Variants in AUTS2 observed in about 807,000 individuals in gnomAD.
The protein encoded by AUTS2 is activator of transcription and developmental regulator AUTS2.
AUTS2 carries 17 observed loss-of-function variants against 112.4 expected under a neutral mutation model. The ratio of observed to expected loss-of-function variants is 0.15; its 90% CI spans 0.10 to 0.23. The LOEUF is 0.23. Among genes scored for constraint, AUTS2 ranks in the 10% least tolerant of loss-of-function variants. The probability of loss-of-function intolerance (pLI) is 1.00; values close to 1 mark genes in which losing one functional copy is unlikely to be tolerated. For synonymous variants in AUTS2, 751 were observed against 702.7 expected, an observed-to-expected ratio of 1.07 and a Z score of -1.09; for missense variants, 1,510 against 1,701.6, an observed-to-expected ratio of 0.89 and a Z score of 1.98.
chr7:70,222,422 C>T (rs951107290), intron 4 of AUTS2, among the ~76,000 whole-genome samples: 1 of 151,988 alleles, frequency 6.6e-6, no homozygotes, highest in African/African-American at 2.4e-5. Context: ...CAAAATTTGT[C>T]TATTGTAAAA....
chr7:69,618,418 C>G lies in AUTS2; in HGVS notation c.309+18456C>G, dbSNP rs139156727. 2.5e-3 allele frequency among the ~76,000 whole-genome samples: 387 copies of G among 152,248 alleles called. 1 individual carries two copies. The highest frequency in any genetic ancestry group is 9.0e-3 in the African/African-American group (373 of 41,566). On this transcript the variant is annotated intron_variant, in intron 1 of 18. Coordinates refer to ENST00000342771, the MANE Select transcript of AUTS2 (RefSeq NM_015570.4). ...TCCTGATTCAGCAGGTACCTTTGGTCTTTCTGAGCTGAGTTTGACTGGAGC... is the reference window on the plus strand; with the variant it reads ...TCCTGATTCAGCAGGTACCTTTGGTGTTTCTGAGCTGAGTTTGACTGGAGC...
chr7:70,388,974 T>C (rs1793733078), intron 4 of AUTS2, among the ~76,000 whole-genome samples: 1 of 152,210 alleles, frequency 6.6e-6, no homozygotes, highest in Non-Finnish European at 1.5e-5. Flanking sequence ...ATTGGCTGCC[T>C]CTGTTGTTCA....
intron 4 of AUTS2, among the ~76,000 whole-genome samples, chr7:70,386,147 C>A (rs557880274): frequency 1.2e-4 from 18 of 152,276 alleles, no homozygotes; most frequent in Non-Finnish European, 7.4e-5. Flanking sequence ...CCCAGTAGTT[C>A]CCTCAGTCTT....
chr7:70,612,223 ATC>A (rs1257259892), intron 5 of AUTS2, among the ~76,000 whole-genome samples: 11 of 152,326 alleles, frequency 7.2e-5, no homozygotes, highest in African/African-American at 2.4e-4. Flanking sequence ...TGTTTGAACC[ATC>A]TCAGCATCAG....
chr7:70,717,378 T>G (rs1810439574), intron 6 of AUTS2, among the ~76,000 whole-genome samples: 8 of 152,104 alleles, frequency 5.3e-5, no homozygotes, highest in Admixed American at 5.2e-4. Flanking sequence ...AGATGGGGTC[T>G]TGCTGTGTTG....
intron 2 of AUTS2, among the ~76,000 whole-genome samples, chr7:69,915,297 T>G (rs1220729088): frequency 6.6e-6 from 1 of 152,246 alleles, no homozygotes; most frequent in Non-Finnish European, 1.5e-5. Context: ...AATGCATTAT[T>G]CTACCGAAAG....
At chr7:70,416,069 A>AT (rs1200017743) in intron 4 of AUTS2, among the ~76,000 whole-genome samples, 2 of 152,116 alleles carry the variant, frequency 1.3e-5, no homozygotes, top group East Asian at 3.9e-4. Flanking sequence ...TTCATATGTT[A>AT]TTGTAAGGTT....
intron 4 of AUTS2, among the ~76,000 whole-genome samples, chr7:70,301,410 T>G (rs1288618639): frequency 6.6e-6 from 1 of 152,200 alleles, no homozygotes; most frequent in Non-Finnish European, 1.5e-5. Context: ...GGTATTTTAG[T>G]ATGTGTGGAT....
intron 5 of AUTS2, among the ~76,000 whole-genome samples, chr7:70,615,565 C>CGTTGTTGTTG (rs368083140): frequency 1.7e-4 from 25 of 148,590 alleles, no homozygotes; most frequent in African/African-American, 6.0e-4. Context: ...AGATTTATGG[C>CGTTGTTGTTG]TTGTTGTTGT....
intron 6 of AUTS2, among the ~76,000 whole-genome samples, chr7:70,744,172 G>A (rs371207403): frequency 6.6e-6 from 1 of 152,180 alleles, no homozygotes; most frequent in Non-Finnish European, 1.5e-5. Context: ...AACTGCAATC[G>A]TTTGTCCAAG....
chr7:69,854,146 C>T (rs1322385811), intron 1 of AUTS2, among the ~76,000 whole-genome samples: 1 of 152,108 alleles, frequency 6.6e-6, no homozygotes, highest in Non-Finnish European at 1.5e-5. Context: ...ATTATAAGTC[C>T]TGAATCATTT....
intron 2 of AUTS2, among the ~76,000 whole-genome samples, chr7:69,977,592 C>T (rs1798113425): frequency 6.6e-6 from 1 of 152,096 alleles, no homozygotes; most frequent in South Asian, 2.1e-4. Flanking sequence ...ACATGGAATG[C>T]CTTTCCATTT....
chr7:69,733,726 G>C (rs1028304870), intron 1 of AUTS2, among the ~76,000 whole-genome samples: 2 of 152,130 alleles, frequency 1.3e-5, no homozygotes, highest in Non-Finnish European at 2.9e-5. Context: ...TAGTGTGGGG[G>C]TACTGTTCCT....
intron 6 of AUTS2, among the ~76,000 whole-genome samples, chr7:70,713,398 T>TA (rs1345748241): frequency 6.6e-6 from 1 of 152,242 alleles, no homozygotes; most frequent in African/African-American, 2.4e-5. Context: ...TATTGAATAT[T>TA]AGAGTTTTAA....
At chr7:69,774,485 GC>G (rs1449967315) in intron 1 of AUTS2, among the ~76,000 whole-genome samples, 1 of 152,220 alleles carries the variant, frequency 6.6e-6, no homozygotes, top group Non-Finnish European at 1.5e-5. Context: ...AATGCGAATA[GC>G]CAGTAATGGA....
intron 4 of AUTS2, among the ~76,000 whole-genome samples, chr7:70,282,257 C>T (rs1788253966): frequency 6.6e-6 from 1 of 152,230 alleles, no homozygotes; most frequent in Admixed American, 6.5e-5. Context: ...TCCAAAGCCA[C>T]TTCTGCTTCC....
rs561605485 is a variant in AUTS2, at chr7:70,685,312, A to G, written c.691-13257A>G. On this transcript the variant is annotated intron_variant, in intron 5 of 18. Transcript: ENST00000342771. ...ACACGGTGAAATCCCGCCTCTACTA[A>G]AAATACAAAAATTAGCCAGGCATGG... 5.9e-5 allele frequency among the ~76,000 whole-genome samples: 9 copies of G among 152,006 alleles called. No homozygotes were observed. In the South Asian group the frequency reaches 1.9e-3, roughly 32 times the overall value.
At chr7:69,928,960 T>C (rs907063064) in intron 2 of AUTS2, among the ~76,000 whole-genome samples, 1 of 152,192 alleles carries the variant, frequency 6.6e-6, no homozygotes, top group Non-Finnish European at 1.5e-5. Context: ...TGGTTACCAT[T>C]TCTTATGCCC....
At chr7:69,919,896 G>A (rs1762832832) in intron 2 of AUTS2, among the ~76,000 whole-genome samples, 2 of 152,134 alleles carry the variant, frequency 1.3e-5, no homozygotes, top group South Asian at 2.1e-4. Flanking sequence ...CTGCTTTGTG[G>A]TAATGACTCA....
Sources: gnomAD v4.1 joint callset for allele counts (sites outside exome capture counted in the v4.1 genomes callset) on GRCh38, gnomAD v4.1.1 for gene constraint, MANE v1.5 for transcripts, NCBI Gene and HGNC (gene_info 2026-07-23, HGNC 2026-07-21) for gene names.